The following FAM185A variants were observed in gnomAD, a reference collection of about 807,000 sequenced individuals.
FAM185A encodes the protein protein FAM185A.
Under a neutral mutation model 45.7 loss-of-function variants are expected in FAM185A, and 21 were observed. The observed-to-expected ratio is 0.46, with a 90% CI of 0.33 to 0.66. FAM185A has a LOEUF of 0.66. Among genes scored for constraint, FAM185A ranks in the 30% least tolerant of loss-of-function variants. The pLI, the probability that FAM185A is intolerant of heterozygous loss-of-function variation, is 0.03. For synonymous variants in FAM185A, 117 were observed against 194.0 expected (o/e 0.60, Z 3.30); for missense variants, 305 against 485.4 (o/e 0.63, Z 3.49).
the FAM185A span, among the ~76,000 whole-genome samples, chr7:102,832,310 T>C: frequency 6.6e-6 from 1 of 152,242 alleles, no homozygotes; most frequent in South Asian, 2.1e-4. Flanking sequence ...TGGAGAATTC[T>C]ATAGGAAATC....
In FAM185A at chr7:102,797,581, A is replaced by C. The variant is rs569194619; in HGVS notation, c.1066+10112A>C. Among the ~76,000 whole-genome samples the C allele has an allele frequency of 3.5e-3, 526 of 152,158 alleles. 2 individuals carry two copies. The highest frequency in any genetic ancestry group is 5.3e-3 in the Non-Finnish European group (359 of 67,982). ...TGAAATGTATGTGTTAAAAATAATA[A>C]AATTTCAGAGTAATTACTTTCATGT... On this transcript the variant is annotated intron_variant, in intron 7 of 7. Coordinates refer to ENST00000413034, the MANE Select transcript of FAM185A (RefSeq NM_001145268.2).
chr7:102,822,157 A>C, the FAM185A span: 3 of 1,614,040 alleles, frequency 1.9e-6, no homozygotes, highest in South Asian at 2.2e-5. Flanking sequence ...CAAAATGTGC[A>C]GGTAATGGCA....
chr7:102,846,141 T>C, the FAM185A span, among the ~76,000 whole-genome samples: 1 of 152,130 alleles, frequency 6.6e-6, no homozygotes, highest in Non-Finnish European at 1.5e-5. Flanking sequence ...CACCACATAG[T>C]ATTGAATTTT....
chr7:102,808,217 C>T (rs57253646), intron 7 of FAM185A, 73 bp from the exon 8 acceptor site: 193,273 of 984,048 alleles, frequency 0.2, 23,730 homozygotes, highest in East Asian at 0.58. Flanking sequence ...TTTTCAGTTT[C>T]AGAGATGTGT....
At chr7:102,805,566 C>T (rs1204540338) in intron 7 of FAM185A, among the ~76,000 whole-genome samples, 2 of 151,984 alleles carry the variant, frequency 1.3e-5, no homozygotes, top group African/African-American at 4.8e-5. Flanking sequence ...TAAAAGACTA[C>T]AAATAGGATG....
intron 4 of FAM185A, among the ~76,000 whole-genome samples, chr7:102,765,160 T>G (rs1322221641): frequency 2.0e-5 from 3 of 152,206 alleles, no homozygotes; most frequent in Non-Finnish European, 4.4e-5. Flanking sequence ...TGAACTTGAT[T>G]GCAACCGCAA....
chr7:102,749,022 C>T lies in FAM185A; in HGVS notation c.-186C>T, dbSNP rs1226128328. 4.4e-6 allele frequency: 4 copies of T among 918,760 alleles called. No homozygotes were observed. Among genetic ancestry groups the T allele is most frequent in the Admixed American group, 4.0e-5 (2 of 50,218 alleles). 56.9% of individuals were successfully genotyped at this position (918,760 alleles called of 1,614,324 possible). A position where few individuals can be genotyped will look rare whatever the true frequency, so the allele number is the denominator to read the frequency against. ...TTAGAGCTTTCAAATCCCAACTTGC[C>T]CCTGGGGATTGCGCGGCTGATGTTT... On this transcript the variant is annotated 5_prime_UTR_variant, in exon 1 of 8. Coordinates refer to ENST00000413034, the MANE Select transcript of FAM185A (RefSeq NM_001145268.2).
intron 5 of FAM185A, among the ~76,000 whole-genome samples, 200 bp downstream of exon 5, chr7:102,772,650 T>C (rs1453090328): frequency 6.6e-6 from 1 of 151,788 alleles, no homozygotes; most frequent in Non-Finnish European, 1.5e-5. Flanking sequence ...AAATGTCTTA[T>C]ATTTCTTGCT....
chr7:102,826,310 T>C, the FAM185A span, among the ~76,000 whole-genome samples: 1 of 152,132 alleles, frequency 6.6e-6, no homozygotes, highest in Non-Finnish European at 1.5e-5. Flanking sequence ...TCATGAGATA[T>C]TAACTAATGA....
At chr7:102,830,351 G>A in the FAM185A span, among the ~76,000 whole-genome samples, 2 of 152,170 alleles carry the variant, frequency 1.3e-5, no homozygotes, top group Admixed American at 1.3e-4. Flanking sequence ...AGCCAGGGCA[G>A]TTCTCACTTC....
chr7:102,845,907 A>G, the FAM185A span, among the ~76,000 whole-genome samples: 4,418 of 152,246 alleles, frequency 0.029, 184 homozygotes, highest in East Asian at 0.16. Flanking sequence ...TACCTTTATC[A>G]CAGCATTATG....
At chr7:102,822,085 T>C in the FAM185A span, 1 of 1,614,230 alleles carries the variant, frequency 6.2e-7, no homozygotes, top group Non-Finnish European at 8.5e-7. Context: ...CCGGAGTTGT[T>C]TGCAGCCTAT....
the FAM185A span, among the ~76,000 whole-genome samples, chr7:102,818,617 C>A: frequency 6.6e-6 from 1 of 152,104 alleles, no homozygotes; most frequent in Non-Finnish European, 1.5e-5. Flanking sequence ...GCAGTAGGGA[C>A]TGTCCGAGTT....
chr7:102,761,758 C>T (rs540681948), intron 4 of FAM185A, among the ~76,000 whole-genome samples: 67 of 151,880 alleles, frequency 4.4e-4, no homozygotes, highest in African/African-American at 1.5e-3. Flanking sequence ...CCACCTTTCA[C>T]GTTCAGGTGA....
chr7:102,810,130 C>A (rs1797349659), downstream of FAM185A, among the ~76,000 whole-genome samples: 1 of 152,234 alleles, frequency 6.6e-6, no homozygotes, highest in Non-Finnish European at 1.5e-5. Flanking sequence ...AATTAAACCT[C>A]TTTTCTTTAG....
chr7:102,785,818 A>T (rs1396603151), intron 6 of FAM185A, among the ~76,000 whole-genome samples: 1 of 151,292 alleles, frequency 6.6e-6, no homozygotes, highest in African/African-American at 2.4e-5. Flanking sequence ...ACAAAAGCCA[A>T]AATTGACAAA....
At chr7:102,781,509 C>G (rs143862608) in intron 6 of FAM185A, among the ~76,000 whole-genome samples, 4 of 152,150 alleles carry the variant, frequency 2.6e-5, no homozygotes, top group African/African-American at 9.7e-5. Context: ...CACCAATATC[C>G]GCTGTTCTGC....
intron 7 of FAM185A, among the ~76,000 whole-genome samples, chr7:102,793,450 C>T (rs1796258697): frequency 6.6e-6 from 1 of 152,068 alleles, no homozygotes; most frequent in Admixed American, 6.5e-5. Context: ...ACCTCGTGAT[C>T]CGCCCACCTC....
intron 6 of FAM185A, among the ~76,000 whole-genome samples, chr7:102,784,534 C>A (rs201425553): frequency 1.3e-5 from 2 of 152,048 alleles, no homozygotes; most frequent in Non-Finnish European, 2.9e-5. Flanking sequence ...TCAACATATG[C>A]AAATCAATAA....
Sources: gnomAD v4.1 joint callset for allele counts (sites outside exome capture counted in the v4.1 genomes callset) on GRCh38, gnomAD v4.1.1 for gene constraint, MANE v1.5 for transcripts, NCBI Gene and HGNC (gene_info 2026-07-23, HGNC 2026-07-21) for gene names.